The following NBEAL1 variants were observed in gnomAD, a reference collection of about 807,000 sequenced individuals.
The protein encoded by NBEAL1 is neurobeachin like 1.
Under a neutral mutation model 351.3 loss-of-function variants are expected in NBEAL1, and 273 were observed. The ratio of observed to expected loss-of-function variants is 0.78; its 90% confidence interval spans 0.70 to 0.86. NBEAL1 has a LOEUF of 0.86. Ranked by LOEUF, NBEAL1 falls within the 40% of genes least tolerant of loss-of-function variation. The pLI is 0.00. For missense variants in NBEAL1, 2,961 were observed against 3,201.3 expected, an observed-to-expected ratio of 0.92 and a Z score of 1.81; for synonymous variants, 1,050 against 1,086.4, an observed-to-expected ratio of 0.97 and a Z score of 0.66.
chr2:203,043,079 T>C (rs2061169481), intron 3 of NBEAL1, among the ~76,000 whole-genome samples: 1 of 152,186 alleles, frequency 6.6e-6, no homozygotes, highest in Admixed American at 6.5e-5. Context: ...AGACCAGATA[T>C]ATATTCTTTA....
intron 2 of NBEAL1, among the ~76,000 whole-genome samples, chr2:203,039,884 G>GT (rs1371348836): frequency 1.3e-5 from 2 of 152,152 alleles, no homozygotes; most frequent in Non-Finnish European, 2.9e-5. Flanking sequence ...CTCTGCACTT[G>GT]TGAAACCTGT....
intron 40 of NBEAL1, 24 bp from the exon 41 acceptor site, chr2:203,172,705 A>C (rs2064361544): frequency 6.3e-7 from 1 of 1,594,564 alleles, no homozygotes; most frequent in Non-Finnish European, 8.5e-7. Context: ...GGAATGTCTA[A>C]ATTGTAAATT....
chr2:203,107,151 A>T (rs963394180), intron 12 of NBEAL1, among the ~76,000 whole-genome samples: 3 of 152,194 alleles, frequency 2.0e-5, no homozygotes, highest in African/African-American at 7.2e-5. Flanking sequence ...CTAATCTGCA[A>T]ATAATATAAT....
In NBEAL1 at chr2:203,130,327, AT is replaced by A; in HGVS notation, c.3419del (p.Leu1140TrpfsTer35). On this transcript the variant is annotated frameshift_variant, in exon 25 of 56. Transcript: ENST00000683969. LOFTEE classifies it high-confidence loss of function. ...ATNEEEQLFGILDVLFSLLRT... is the reference protein window; with the variant it reads ...ATNEEEQLFGXLDVLFSLLRT... ...TGTTTAATTTTAAAAGCTCTTTGGAATTTTGGACGTGCTCTTCAGTCTCCTA... is the reference window on the plus strand; with the variant it reads ...TGTTTAATTTTAAAAGCTCTTTGGAATTTGGACGTGCTCTTCAGTCTCCTA... The A allele has an allele frequency of 6.5e-7, 1 of 1,528,272 alleles. No homozygotes were observed. The highest frequency in any genetic ancestry group is 2.2e-5 in the Admixed American group (1 of 44,758). The allele number at this position is 1,528,272 out of a possible 1,614,324, so 94.7% of individuals were successfully genotyped here.
Position 203,175,184 on chromosome 2 carries a change from A to C in NBEAL1, c.6361A>C (p.Lys2121Gln). 1 of 1,612,724 alleles carries C rather than the reference A, an allele frequency of 6.2e-7. No homozygotes were observed. The highest frequency in any genetic ancestry group is 1.6e-4 in the Middle Eastern group (1 of 6,062). ...NFEDPMGTID[K>Q]FHYGTHYSNS... ...TGAGGATCCTATGGGAACTATTGAT[A>C]AGTTTCACTATGGTACTCACTATTC... The change falls in exon 42 of 56, where the codon AAG (lysine) becomes CAG (glutamine). Residue 2121 changes from lysine (K) to glutamine (Q), a missense_variant. Physicochemically the swap from Lys to Gln is moderately conservative, Grantham distance 53. Transcript: ENST00000683969.
rs1196007707 is a variant in NBEAL1 at position 203,218,391 on chromosome 2, T to C, written c.*1037T>C. 2 of 152,212 alleles carry C rather than the reference T, an allele frequency of 1.3e-5. No individual in the cohort carries two copies. The highest frequency in any genetic ancestry group is 2.9e-5 in the Non-Finnish European group (2 of 68,012). 9.4% of individuals were successfully genotyped at this position (152,212 alleles called of 1,614,324 possible). A position where few individuals can be genotyped will look rare whatever the true frequency, so the allele number is the denominator to read the frequency against. ...AAAGTCTGATTTATTTAATTTGGAATTCAAAGACATTGTTAAACTTAGATT... is the reference window on the plus strand; with the variant it reads ...AAAGTCTGATTTATTTAATTTGGAACTCAAAGACATTGTTAAACTTAGATT... On this transcript the variant is annotated 3_prime_UTR_variant, in exon 56 of 56. Transcript: ENST00000683969.
intron 4 of NBEAL1, among the ~76,000 whole-genome samples, chr2:203,055,416 A>G (rs1454058874): frequency 1.3e-5 from 2 of 152,088 alleles, no homozygotes; most frequent in Non-Finnish European, 2.9e-5. Context: ...CAGCCTGGGC[A>G]ACAAAGTGAG....
intron 36 of NBEAL1, among the ~76,000 whole-genome samples, chr2:203,162,019 ATTTTTTTTTT>A (rs780529337): frequency 9.3e-6 from 1 of 107,226 alleles, no homozygotes; most frequent in Non-Finnish European, 1.9e-5. Context: ...ATTTGATTTG[ATTTTTTTTTT>A]TTTTTTTTTT....
At chr2:203,140,803 G>A (rs2063347702) in intron 31 of NBEAL1, among the ~76,000 whole-genome samples, 1 of 152,062 alleles carries the variant, frequency 6.6e-6, no homozygotes, top group African/African-American at 2.4e-5. Context: ...TTGGGAGGGC[G>A]AGGTGAGTGG....
At chr2:203,199,491 C>G (rs754130050) in intron 49 of NBEAL1, 44 bp downstream of exon 49, 3 of 932,182 alleles carry the variant, frequency 3.2e-6, no homozygotes, top group African/African-American at 1.7e-5. Flanking sequence ...TACCAGATAC[C>G]TTATTGCCAG....
At chr2:203,037,718 C>T (rs981545812) in intron 2 of NBEAL1, among the ~76,000 whole-genome samples, 6 of 148,812 alleles carry the variant, frequency 4.0e-5, no homozygotes, top group African/African-American at 1.5e-4. Flanking sequence ...CCTATAATCC[C>T]AGCACTTTGG....
chr2:203,128,603 T>TTC (rs948750081), intron 24 of NBEAL1, among the ~76,000 whole-genome samples: 3 of 147,992 alleles, frequency 2.0e-5, no homozygotes, highest in Non-Finnish European at 3.0e-5. Flanking sequence ...ATTTCTTTCT[T>TTC]TTTTTTTTTT....
At chr2:203,109,018 G>A (rs1461702219) in intron 14 of NBEAL1, among the ~76,000 whole-genome samples, 1 of 152,052 alleles carries the variant, frequency 6.6e-6, no homozygotes, top group Admixed American at 6.5e-5. Context: ...CTTCAACCTG[G>A]GTGACAAAGC....
chr2:203,073,183 C>T (rs1182951853), intron 7 of NBEAL1, among the ~76,000 whole-genome samples: 1 of 152,042 alleles, frequency 6.6e-6, no homozygotes, highest in Non-Finnish European at 1.5e-5. Context: ...GGACTATAGG[C>T]ATGTGTGTTA....
chr2:203,028,354 G>A (rs1354016708), intron 2 of NBEAL1, among the ~76,000 whole-genome samples: 2 of 151,922 alleles, frequency 1.3e-5, no homozygotes, highest in African/African-American at 2.4e-5. Flanking sequence ...AGAAAAAATA[G>A]TAATATTTTA....
intron 33 of NBEAL1, among the ~76,000 whole-genome samples, chr2:203,146,135 C>T (rs947132077): frequency 2.0e-5 from 3 of 151,958 alleles, no homozygotes; most frequent in Non-Finnish European, 2.9e-5. Flanking sequence ...ATAAATATGA[C>T]AACTTAAATG....
intron 35 of NBEAL1, among the ~76,000 whole-genome samples, chr2:203,156,959 T>C (rs1325758477): frequency 2.0e-5 from 3 of 152,216 alleles, no homozygotes; most frequent in Non-Finnish European, 4.4e-5. Context: ...ATCATTTATT[T>C]TATATTTAAT....
intron 35 of NBEAL1, among the ~76,000 whole-genome samples, chr2:203,154,476 T>G (rs1421797960): frequency 6.6e-6 from 1 of 152,154 alleles, no homozygotes; most frequent in Non-Finnish European, 1.5e-5. Flanking sequence ...ATGGTTTTCT[T>G]TTTTTAAAAT....
In NBEAL1 at chr2:203,136,789, A is replaced by G. The variant is rs764439382; in HGVS notation, c.4565+15A>G. ...ATAAAACTAACGTAAGCATTTAGTT[A>G]GTGATTTTCCATCCTCCTTTTGGTG... On this transcript the variant is annotated intron_variant, in intron 29 of 55. Transcript: ENST00000683969. 5 of 1,606,852 alleles carry G rather than the reference A, an allele frequency of 3.1e-6. No homozygotes were observed. In the South Asian group the frequency reaches 4.5e-5, roughly 14 times the overall value.
Sources: gnomAD v4.1 joint callset for allele counts (sites outside exome capture counted in the v4.1 genomes callset) on GRCh38, gnomAD v4.1.1 for gene constraint, MANE v1.5 for transcripts, NCBI Gene and HGNC (gene_info 2026-07-23, HGNC 2026-07-21) for gene names.